The following RIPOR1 variants were observed in gnomAD, a reference collection of about 807,000 sequenced individuals.
RIPOR1 encodes RHO family interacting cell polarization regulator 1.
A neutral mutation model predicts 116.5 loss-of-function variants in RIPOR1; 58 were observed. That is an observed-to-expected ratio of 0.50 (90% CI 0.40 to 0.62). The LOEUF is 0.62. Among genes scored for constraint, RIPOR1 ranks in the 20% least tolerant of loss-of-function variants. The pLI is 0.00. For synonymous variants in RIPOR1, 605 were observed against 650.0 expected (o/e 0.93, Z 1.05); for missense variants, 1,372 against 1,586.2 (o/e 0.86, Z 2.29).
Position 67,542,445 on chromosome 16 carries a change from T to C in RIPOR1, c.1659T>C (p.Tyr553=). The change falls in exon 13 of 22, where the codon TAT becomes TAC. Residue 553 remains tyrosine (Y), a synonymous_variant. Coordinates refer to ENST00000042381, the MANE Select transcript of RIPOR1 (RefSeq NM_024519.4). The surrounding 1 kb of genome is among the most constrained non-coding windows in gnomAD (Gnocchi z 4.6). ...GPTHTTTGST[Y]SAITTTHSAP... is the part of the protein sequence containing the mutation. Reference sequence around the variant, plus strand: ...CTCACACCACTACAGGCTCTACCTATAGTGCCATTACCACTACCCACAGTG... The same window carrying C: ...CTCACACCACTACAGGCTCTACCTACAGTGCCATTACCACTACCCACAGTG... 1.2e-6 allele frequency: 2 copies of C among 1,613,904 alleles called. No homozygotes were observed. Among genetic ancestry groups the C allele is most frequent in the Non-Finnish European group, 1.7e-6 (2 of 1,179,946 alleles).
Position 67,543,165 on chromosome 16 carries a change from AC to A in RIPOR1, c.2380del (p.Leu794TrpfsTer4). On this transcript the variant is annotated frameshift_variant, in exon 13 of 22. Transcript: ENST00000042381. LOFTEE classifies it high-confidence loss of function. The surrounding 1 kb of genome is among the most constrained non-coding windows in gnomAD (Gnocchi z 4.7). Reference sequence around the variant, plus strand: ...CTGGGGACAGGAGCCTGGAGGAGGCACTGGGGGCCCTAATGGCTGCCCTGGA... The same window carrying A: ...CTGGGGACAGGAGCCTGGAGGAGGCATGGGGGCCCTAATGGCTGCCCTGGA... Reference protein sequence around the residue: ...GSGDRSLEEALGALMAALDDY... With the variant: ...GSGDRSLEEAXGALMAALDDY... 6.5e-7 allele frequency: 1 copy of A among 1,538,140 alleles called. No homozygotes were observed. Among genetic ancestry groups the A allele is most frequent in the Non-Finnish European group, 8.7e-7 (1 of 1,142,900 alleles).
In RIPOR1 at chr16:67,543,075, C is replaced by T; in HGVS notation, c.2289C>T (p.Pro763=). The T allele has an allele frequency of 2.0e-6, 3 of 1,523,146 alleles. No homozygotes were observed. The highest frequency in any genetic ancestry group is 2.6e-6 in the Non-Finnish European group (3 of 1,137,638). 94.4% of individuals were successfully genotyped at this position (1,523,146 alleles called of 1,614,324 possible). A position where few individuals can be genotyped will look rare whatever the true frequency, so the allele number is the denominator to read the frequency against. The change falls in exon 13 of 22, where the codon CCC becomes CCT. Residue 763 remains proline (P), a synonymous_variant. Coordinates refer to ENST00000042381, the MANE Select transcript of RIPOR1 (RefSeq NM_024519.4). This position sits in a 1 kb window ranked among gnomAD's most constrained non-coding sequence, Gnocchi z 4.7. ...SPTPSPPTPA[P]QHSDLCLAMA... ...CTCCCTCACCCCCAACCCCTGCACC[C>T]CAGCATTCAGACCTTTGCCTGGCCA...
rs2051079495 is a variant in RIPOR1, at chr16:67,543,844, C to T, written c.2600+375C>T. On this transcript the variant is annotated intron_variant, in intron 14 of 21. Transcript: ENST00000042381. This position sits in a 1 kb window ranked among gnomAD's most constrained non-coding sequence, Gnocchi z 4.7. Reference sequence around the variant, plus strand: ...CAGTGTCTCGCCGTGCACCCTGGGACCCCAGCACTGCCCCACTCCTTCTCA... The same window carrying T: ...CAGTGTCTCGCCGTGCACCCTGGGATCCCAGCACTGCCCCACTCCTTCTCA... 1 of 372,114 alleles carries T rather than the reference C, an allele frequency of 2.7e-6. No homozygotes were observed. The highest frequency in any genetic ancestry group is 4.0e-5 in the Admixed American group (1 of 25,296). The allele number at this position is 372,114 out of a possible 1,614,324, so 23.1% of individuals were successfully genotyped here. A position where few individuals can be genotyped will look rare whatever the true frequency, so the allele number is the denominator to read the frequency against.
Position 67,541,232 on chromosome 16 carries a change from AATT to A in RIPOR1, c.802-197_802-195del. Reference sequence around the variant, plus strand: ...AGGTGCACCACCATGCCTGGCTAAAAATTTTTTTTTTTTTTTTTTTTGAGACAG... The same window carrying A: ...AGGTGCACCACCATGCCTGGCTAAAATTTTTTTTTTTTTTTTTTGAGACAG... On this transcript the variant is annotated intron_variant, in intron 10 of 21. Transcript: ENST00000042381. The surrounding 1 kb of genome is among the most constrained non-coding windows in gnomAD (Gnocchi z 4.6). 25 of 592,588 alleles carry A rather than the reference AATT, an allele frequency of 4.2e-5. No individual in the cohort carries two copies. Among genetic ancestry groups the A allele is most frequent in the Non-Finnish European group, 5.2e-5 (18 of 345,238 alleles). 36.7% of individuals were successfully genotyped at this position (592,588 alleles called of 1,614,324 possible).
At position 67,545,250 on chromosome 16, in the gene RIPOR1, A is replaced by G; in HGVS notation, c.3032-126A>G. On this transcript the variant is annotated intron_variant, in intron 17 of 21. Coordinates refer to ENST00000042381, the MANE Select transcript of RIPOR1 (RefSeq NM_024519.4). The surrounding 1 kb of genome is among the most constrained non-coding windows in gnomAD (Gnocchi z 4.8). ...CCAGCAAAGACTTGGGCCTTAGAGC[A>G]GAAGGACCCAGATGGGTGGGGTTTG... 6.6e-7 allele frequency: 1 copy of G among 1,510,918 alleles called. No individual in the cohort carries two copies. The highest frequency in any genetic ancestry group is 9.0e-7 in the Non-Finnish European group (1 of 1,113,260). The allele number at this position is 1,510,918 out of a possible 1,614,324, so 93.6% of individuals were successfully genotyped here.
rs1418079907 is a variant in RIPOR1, at chr16:67,545,341, C to T, written c.3032-35C>T. On this transcript the variant is annotated intron_variant, in intron 17 of 21. Coordinates refer to ENST00000042381, the MANE Select transcript of RIPOR1 (RefSeq NM_024519.4). The surrounding 1 kb of genome is among the most constrained non-coding windows in gnomAD (Gnocchi z 4.8). Reference sequence around the variant, plus strand: ...TCTCCCCTCTAAAAGCTGTGTTCACCCAAACTCTGAGGCCCATGCTACTGC... The same window carrying T: ...TCTCCCCTCTAAAAGCTGTGTTCACTCAAACTCTGAGGCCCATGCTACTGC... 1 of 1,601,682 alleles carries T rather than the reference C, an allele frequency of 6.2e-7. No individual in the cohort carries two copies. The highest frequency in any genetic ancestry group is 2.2e-5 in the East Asian group (1 of 44,656).
Position 67,537,474 on chromosome 16 carries a change from G to C in RIPOR1, c.-23-950G>C, listed in dbSNP as rs900892329. 26 of 1,252,246 alleles carry C rather than the reference G, an allele frequency of 2.1e-5. No homozygotes were observed. Among genetic ancestry groups the C allele is most frequent in the Non-Finnish European group, 2.3e-5 (23 of 997,470 alleles). 77.6% of individuals were successfully genotyped at this position (1,252,246 alleles called of 1,614,324 possible). On this transcript the variant is annotated intron_variant, in intron 1 of 21. Coordinates refer to ENST00000042381, the MANE Select transcript of RIPOR1 (RefSeq NM_024519.4). The surrounding 1 kb of genome is among the most constrained non-coding windows in gnomAD (Gnocchi z 4.6). Reference sequence around the variant, plus strand: ...GCCGGGAGGAGCCGAAGCCGAGCCAGAGCCGCTGGGAGCGAGCCCGGAGCC... The same window carrying C: ...GCCGGGAGGAGCCGAAGCCGAGCCACAGCCGCTGGGAGCGAGCCCGGAGCC...
Position 67,542,086 on chromosome 16 carries a change from G to A in RIPOR1, c.1300G>A (p.Ala434Thr). ...GCCCTTGGATGAGGAGGGGGCCGTGGCCCCAGTCCTGGCAAATGGGCATGC... is the reference window on the plus strand; with the variant it reads ...GCCCTTGGATGAGGAGGGGGCCGTGACCCCAGTCCTGGCAAATGGGCATGC... ...SGPLDEEGAV[A>T]PVLANGHAPY... is the part of the protein sequence containing the mutation. The change falls in exon 13 of 22, where the codon GCC (alanine) becomes ACC (threonine). Residue 434 changes from alanine (A) to threonine (T), a missense_variant. This residue lies in a region of RIPOR1 where 1,005 missense variants were observed against 1,144.7 expected (regional missense o/e 0.88). Coordinates refer to ENST00000042381, the MANE Select transcript of RIPOR1 (RefSeq NM_024519.4). This position sits in a 1 kb window ranked among gnomAD's most constrained non-coding sequence, Gnocchi z 4.6. The A allele has an allele frequency of 1.2e-6, 2 of 1,606,698 alleles. No individual in the cohort carries two copies. The highest frequency in any genetic ancestry group is 2.2e-5 in the South Asian group (2 of 90,886).
At chr16:67,519,843 C>T (rs1324357559) in intron 1 of RIPOR1, among the ~76,000 whole-genome samples, 1 of 151,906 alleles carries the variant, frequency 6.6e-6, no homozygotes, top group Non-Finnish European at 1.5e-5. Flanking sequence ...AGATGGATCA[C>T]CTGAGGTCAG....
rs2050910274 is a variant in RIPOR1, at chr16:67,539,607, CTG to C, written c.337-118_337-117del. 2.1e-5 allele frequency: 25 copies of C among 1,210,068 alleles called. No individual in the cohort carries two copies. In the South Asian group the frequency reaches 2.5e-4, roughly 12 times the overall value. The allele number at this position is 1,210,068 out of a possible 1,614,324, so 75.0% of individuals were successfully genotyped here. A position where few individuals can be genotyped will look rare whatever the true frequency, so the allele number is the denominator to read the frequency against. ...CAGCAGGAAGGGGCGTCAGTTGCTA[CTG>C]TGACAGGAGTGCTTGTGGACTGTGG... On this transcript the variant is annotated intron_variant, in intron 4 of 21. Coordinates refer to ENST00000042381, the MANE Select transcript of RIPOR1 (RefSeq NM_024519.4).
Position 67,545,594 on chromosome 16 carries a change from C to A in RIPOR1, c.3190+60C>A. The A allele has an allele frequency of 6.3e-7, 1 of 1,592,716 alleles. No homozygotes were observed. The highest frequency in any genetic ancestry group is 1.3e-5 in the African/African-American group (1 of 74,528). On this transcript the variant is annotated intron_variant, in intron 18 of 21. Transcript: ENST00000042381. This position sits in a 1 kb window ranked among gnomAD's most constrained non-coding sequence, Gnocchi z 4.8. ...TGGGGTCTGAGGACATGAGGACAAG[C>A]CCTCCCCAACCTCGGGGGCTCCTCA...
Position 67,546,395 on chromosome 16 carries a change from CT to C in RIPOR1, c.3593del (p.Leu1198ArgfsTer65), listed in dbSNP as rs2051169839. The C allele has an allele frequency of 6.2e-7, 1 of 1,613,998 alleles. No individual in the cohort carries two copies. Among genetic ancestry groups the C allele is most frequent in the Admixed American group, 1.7e-5 (1 of 60,010 alleles). On this transcript the variant is annotated frameshift_variant, in exon 22 of 22. Coordinates refer to ENST00000042381, the MANE Select transcript of RIPOR1 (RefSeq NM_024519.4). LOFTEE classifies it high-confidence loss of function. ...AGAGGGACAGTCTGCCCATCGACGG[CT>C]GGAGGAGTCCCTGGACGCCCTGCCC... ...GEEGQSAHRRLEESLDALPRI... is the reference protein window; with the variant it reads ...GEEGQSAHRRXEESLDALPRI...
In RIPOR1 at chr16:67,546,486, G is replaced by T. The variant is rs202023831; in HGVS notation, c.*23G>T. On this transcript the variant is annotated 3_prime_UTR_variant, in exon 22 of 22. Coordinates refer to ENST00000042381, the MANE Select transcript of RIPOR1 (RefSeq NM_024519.4). ...TAAACTATTCACCCATGGGTTCCTG[G>T]TGCCCCTTTCCCCCCACTTTCAGGG... is the stretch of plus-strand genomic sequence containing the variant. 6.3e-6 allele frequency: 10 copies of T among 1,598,898 alleles called. No homozygotes were observed. In the Admixed American group the frequency reaches 1.7e-4, roughly 27 times the overall value.
chr16:67,519,705 C>T (rs1308661412), intron 1 of RIPOR1, among the ~76,000 whole-genome samples: 1 of 151,880 alleles, frequency 6.6e-6, no homozygotes, highest in African/African-American at 2.4e-5. Flanking sequence ...GAAGGTCATC[C>T]TAAGTGGGGG....
chr16:67,546,302 C>A (rs922653854), intron 21 of RIPOR1, 64 bp from the exon 22 acceptor site: 2 of 1,604,914 alleles, frequency 1.2e-6, no homozygotes, highest in Admixed American at 3.3e-5. Context: ...GGAGAGATGG[C>A]GCCAGGGGTG....
Position 67,540,809 on chromosome 16 carries a change from G to A in RIPOR1, c.801+105G>A. 1 of 1,165,264 alleles carries A rather than the reference G, an allele frequency of 8.6e-7. No homozygotes were observed. The allele number at this position is 1,165,264 out of a possible 1,614,324, so 72.2% of individuals were successfully genotyped here. A position where few individuals can be genotyped will look rare whatever the true frequency, so the allele number is the denominator to read the frequency against. ...CCTGTGATCCCCTCATAGCTCCATA[G>A]CCCTGTGAAGATATGATTCCATGAC... On this transcript the variant is annotated intron_variant, in intron 10 of 21. Transcript: ENST00000042381. This position sits in a 1 kb window ranked among gnomAD's most constrained non-coding sequence, Gnocchi z 4.7.
At chr16:67,520,877 GC>G in intron 1 of RIPOR1, among the ~76,000 whole-genome samples, 1 of 152,206 alleles carries the variant, frequency 6.6e-6, no homozygotes, top group Non-Finnish European at 1.5e-5. Flanking sequence ...AAGGGAGATA[GC>G]CAGAGAAGCA....
chr16:67,543,615 G>A lies in RIPOR1; in HGVS notation c.2600+146G>A. 1 of 1,174,752 alleles carries A rather than the reference G, an allele frequency of 8.5e-7. No homozygotes were observed. The highest frequency in any genetic ancestry group is 1.5e-5 in the South Asian group (1 of 67,768). The allele number at this position is 1,174,752 out of a possible 1,614,324, so 72.8% of individuals were successfully genotyped here. A position where few individuals can be genotyped will look rare whatever the true frequency, so the allele number is the denominator to read the frequency against. On this transcript the variant is annotated intron_variant, in intron 14 of 21. Transcript: ENST00000042381. The surrounding 1 kb of genome is among the most constrained non-coding windows in gnomAD (Gnocchi z 4.7). Reference sequence around the variant, plus strand: ...GCCAGGTGGAGCATGTGAGGACTGAGTTGCTGGCAGGTGCACCTGTGTCCA... The same window carrying A: ...GCCAGGTGGAGCATGTGAGGACTGAATTGCTGGCAGGTGCACCTGTGTCCA...
chr16:67,540,261 G>A lies in RIPOR1; in HGVS notation c.568-39G>A, dbSNP rs774465587. On this transcript the variant is annotated intron_variant, in intron 7 of 21. Transcript: ENST00000042381. The surrounding 1 kb of genome is among the most constrained non-coding windows in gnomAD (Gnocchi z 4.7). ...ACAGGGTGTGGCAGGGCTAGTGGCT[G>A]GCCCTTGACCCCCTCCTGTCCCTGC... 2 of 1,613,608 alleles carry A rather than the reference G, an allele frequency of 1.2e-6. No individual in the cohort carries two copies. Among genetic ancestry groups the A allele is most frequent in the South Asian group, 2.2e-5 (2 of 91,072 alleles).
Sources: allele counts gnomAD v4.1 joint callset (sites outside exome capture counted in the v4.1 genomes callset), GRCh38; gene constraint gnomAD v4.1.1; regional missense constraint gnomAD v4.1.1; non-coding constraint Gnocchi (gnomAD v3.1); transcripts MANE v1.5; gene names NCBI Gene and HGNC (gene_info 2026-07-23, HGNC 2026-07-21).